The following AXDND1 variants were observed in gnomAD, a reference collection of about 807,000 sequenced individuals.
AXDND1 encodes axonemal dynein light chain domain-containing protein 1.
Under a neutral mutation model 137.5 loss-of-function variants are expected in AXDND1, and 110 were observed. That is an observed-to-expected ratio of 0.80 (90% CI 0.69 to 0.94). AXDND1 has a LOEUF of 0.94. AXDND1 is among the 40% of genes least tolerant of loss of function. The pLI is 0.00. For synonymous variants in AXDND1, 414 were observed against 399.7 expected, an observed-to-expected ratio of 1.04 and a Z score of -0.43; for missense variants, 1,191 against 1,169.8, an observed-to-expected ratio of 1.02 and a Z score of -0.26.
At chr1:179,449,094 C>A in intron 16 of AXDND1, 1 of 449,874 alleles carries the variant, frequency 2.2e-6, no homozygotes, top group Non-Finnish European at 4.5e-6. Flanking sequence ...CCGTGTTGCA[C>A]AGGCTGGTCT....
At chr1:179,544,708 GAA>G (rs945725409) in intron 25 of AXDND1, 7 of 151,074 alleles carry the variant, frequency 4.6e-5, no homozygotes, top group South Asian at 2.1e-4. Flanking sequence ...AAAAAAGAGA[GAA>G]GAGAGAAAAT....
chr1:179,408,438 G>A (rs1653323100), intron 11 of AXDND1, among the ~76,000 whole-genome samples: 1 of 151,050 alleles, frequency 6.6e-6, no homozygotes, highest in Non-Finnish European at 1.5e-5. Context: ...GTGTACTGGT[G>A]TGATTTCGGC....
At chr1:179,451,561 A>G (rs894139155) in intron 16 of AXDND1, 1 of 152,146 alleles carries the variant, frequency 6.6e-6, no homozygotes. Context: ...TTTCACTGAT[A>G]TGGCTTGGCT....
chr1:179,502,562 T>TAAA (rs35740934), intron 20 of AXDND1, among the ~76,000 whole-genome samples: 3,578 of 80,968 alleles, frequency 0.044, 82 homozygotes, highest in Non-Finnish European at 0.063. Context: ...AAACTCTGTC[T>TAAA]AAAAAAAAAA....
chr1:179,367,284 G>A (rs149945701), intron 2 of AXDND1, among the ~76,000 whole-genome samples: 7 of 152,220 alleles, frequency 4.6e-5, no homozygotes, highest in East Asian at 1.9e-4. Context: ...TTGGGAGGCT[G>A]AGGCTGGCGG....
intron 15 of AXDND1, among the ~76,000 whole-genome samples, chr1:179,441,511 A>G (rs574144254): frequency 1.1e-3 from 164 of 152,254 alleles, no homozygotes; most frequent in African/African-American, 3.8e-3. Flanking sequence ...CACATTTCCA[A>G]TCCGCATTTG....
Position 179,473,364 on chromosome 1 carries a change from G to C in AXDND1, c.1997+4723G>C, listed in dbSNP as rs12135611. Among the ~76,000 whole-genome samples, 17 of 151,940 alleles carry C rather than the reference G, an allele frequency of 1.1e-4. No individual in the cohort carries two copies. The East Asian group carries it at 1.8e-3, about 16-fold the overall frequency. On this transcript the variant is annotated intron_variant, in intron 17 of 25. Coordinates refer to ENST00000367618, the MANE Select transcript of AXDND1 (RefSeq NM_144696.6). ...AATATAAAAATTAGCTGGGTGTGGT[G>C]GTGGGTGCCTGTAATCCCAGCTACT...
intron 20 of AXDND1, among the ~76,000 whole-genome samples, chr1:179,498,843 T>C (rs1667716035): frequency 6.6e-6 from 1 of 151,940 alleles, no homozygotes; most frequent in Admixed American, 6.6e-5. Context: ...GCATCACTAA[T>C]CATCAAGTAA....
In AXDND1 at chr1:179,385,252, A is replaced by T; in HGVS notation, c.756A>T (p.Leu252=). The change falls in exon 9 of 26, where the codon CTA becomes CTT. Residue 252 remains leucine, a synonymous_variant. Coordinates refer to ENST00000367618, the MANE Select transcript of AXDND1 (RefSeq NM_144696.6). ...YTGPTKMHKL[L]HILKKEQTIY... Reference sequence around the variant, plus strand: ...CCTTCTGACAGATGCACAAACTACTACATATATTGAAGAAGGAACAGACCA... The same window carrying T: ...CCTTCTGACAGATGCACAAACTACTTCATATATTGAAGAAGGAACAGACCA... 1 of 1,609,828 alleles carries T rather than the reference A, an allele frequency of 6.2e-7. No homozygotes were observed. The highest frequency in any genetic ancestry group is 8.5e-7 in the Non-Finnish European group (1 of 1,176,176).
chr1:179,501,309 A>G (rs939769380), intron 20 of AXDND1, among the ~76,000 whole-genome samples: 8 of 152,208 alleles, frequency 5.3e-5, no homozygotes, highest in African/African-American at 1.4e-4. Context: ...TGTTAGTTCA[A>G]AGATGGACAA....
At chr1:179,421,404 A>T in intron 12 of AXDND1, among the ~76,000 whole-genome samples, 2 of 101,786 alleles carry the variant, frequency 2.0e-5, no homozygotes, top group Non-Finnish European at 1.8e-5. Flanking sequence ...TTTGAGACAG[A>T]GTCTTGCTCT....
intron 9 of AXDND1, 30 bp from the exon 10 acceptor site, chr1:179,393,873 C>A: frequency 6.4e-7 from 1 of 1,561,604 alleles, no homozygotes; most frequent in Non-Finnish European, 8.6e-7. Context: ...TTTATCAGAT[C>A]TAGGAGCTTT....
rs762777021 is a variant in AXDND1, at chr1:179,379,455, G to C, written c.554G>C (p.Gly185Ala). Residue 185 changes from glycine (G) to alanine (A), a missense_variant, in exon 6 of 26, where the codon GGA becomes GCA. Coordinates refer to ENST00000367618, the MANE Select transcript of AXDND1 (RefSeq NM_144696.6). ...PEEFHIVSSTGVSGLECYDDK... is the reference protein window; with the variant it reads ...PEEFHIVSSTAVSGLECYDDK... ...GAATTTCATATTGTGTCAAGTACAGGAGTTTCAGGTTTGGAGTGTTATGAT... is the reference window on the plus strand; with the variant it reads ...GAATTTCATATTGTGTCAAGTACAGCAGTTTCAGGTTTGGAGTGTTATGAT... 6.2e-7 allele frequency: 1 copy of C among 1,613,538 alleles called. No homozygotes were observed.
At chr1:179,378,162 C>T (rs888088851) in intron 4 of AXDND1, among the ~76,000 whole-genome samples, 40 of 152,108 alleles carry the variant, frequency 2.6e-4, no homozygotes, top group African/African-American at 9.4e-4. Context: ...CAGAGTGAGA[C>T]TCTGTGTCAA....
At chr1:179,514,161 A>G (rs1423147256) in intron 21 of AXDND1, among the ~76,000 whole-genome samples, 1 of 152,018 alleles carries the variant, frequency 6.6e-6, no homozygotes, top group Non-Finnish European at 1.5e-5. Context: ...GTGTGACCTT[A>G]GAATGTCGGT....
intron 21 of AXDND1, among the ~76,000 whole-genome samples, chr1:179,522,413 GTC>G (rs1257259420): frequency 1.2e-4 from 18 of 152,066 alleles, no homozygotes; most frequent in African/African-American, 3.9e-4. Context: ...AACTTTTGTA[GTC>G]TGTTTGATAA....
intron 19 of AXDND1, among the ~76,000 whole-genome samples, chr1:179,492,277 G>A (rs1376699952): frequency 5.3e-5 from 8 of 152,036 alleles, no homozygotes; most frequent in Non-Finnish European, 1.0e-4. Flanking sequence ...GTTTTGCCAT[G>A]TTGGCCAGGC....
In AXDND1 at chr1:179,538,664, T is replaced by G. The variant is rs542621520; in HGVS notation, c.3031+3702T>G. On this transcript the variant is annotated intron_variant, in intron 25 of 25. Coordinates refer to ENST00000367618, the MANE Select transcript of AXDND1 (RefSeq NM_144696.6). ...GATGTGGTGCTGAGAAGAATGTATA[T>G]TCTATTGATTTGGGATGGAGAATTC... Among the ~76,000 whole-genome samples the G allele has an allele frequency of 2.0e-5, 3 of 152,344 alleles. No individual in the cohort carries two copies. The East Asian group carries it at 5.8e-4, about 29-fold the overall frequency.
chr1:179,533,730 TA>T, intron 23 of AXDND1, 64 bp from the exon 24 acceptor site: 1 of 1,286,082 alleles, frequency 7.8e-7, no homozygotes, highest in Non-Finnish European at 1.1e-6. Context: ...CAGAACATCC[TA>T]AAAAAGTAGA....
Sources: gnomAD v4.1 joint callset for allele counts (sites outside exome capture counted in the v4.1 genomes callset) on GRCh38, gnomAD v4.1.1 for gene constraint, MANE v1.5 for transcripts, NCBI Gene and HGNC (gene_info 2026-07-23, HGNC 2026-07-21) for gene names.